The following LOC400499 variants were observed in gnomAD, a reference collection of about 807,000 sequenced individuals.
chr16:11,372,863 C>T, the LOC400499 span: 1 of 215,830 alleles, frequency 4.6e-6, no homozygotes, highest in Non-Finnish European at 7.9e-6. Flanking sequence ...ACTCCCCATC[C>T]ACTCCCACTC....
At chr16:11,463,797 GTT>G in the LOC400499 span, among the ~76,000 whole-genome samples, 4 of 152,214 alleles carry the variant, frequency 2.6e-5, no homozygotes, top group African/African-American at 7.2e-5. Flanking sequence ...ACATATGGAT[GTT>G]TGTGTGTATG....
At chr16:11,439,575 C>T in the LOC400499 span, 2 of 399,102 alleles carry the variant, frequency 5.0e-6, no homozygotes, top group Non-Finnish European at 8.8e-6. Flanking sequence ...TTCAGCTGGA[C>T]CGAGGCCTGT....
the LOC400499 span, chr16:11,462,569 C>T: frequency 3.0e-5 from 9 of 298,170 alleles, no homozygotes; most frequent in Non-Finnish European, 4.5e-5. Flanking sequence ...ATTACAGTCA[C>T]GTGCCACCAC....
chr16:11,434,498 T>C, the LOC400499 span, among the ~76,000 whole-genome samples: 1 of 152,150 alleles, frequency 6.6e-6, no homozygotes, highest in South Asian at 2.1e-4. Context: ...TCCAGGTATA[T>C]AGAGTCAGAA....
chr16:11,404,632 C>T, the LOC400499 span: 1 of 398,576 alleles, frequency 2.5e-6, no homozygotes, highest in Non-Finnish European at 4.4e-6. Flanking sequence ...CAGGCATGAG[C>T]CACCGCGCCT....
At chr16:11,373,336 G>GT in the LOC400499 span, among the ~76,000 whole-genome samples, 3 of 152,180 alleles carry the variant, frequency 2.0e-5, no homozygotes, top group Non-Finnish European at 2.9e-5. Flanking sequence ...TACGAGAACT[G>GT]TTTAAAAGAT....
At chr16:11,402,430 GC>G in the LOC400499 span, among the ~76,000 whole-genome samples, 1 of 152,212 alleles carries the variant, frequency 6.6e-6, no homozygotes, top group Non-Finnish European at 1.5e-5. Context: ...TGCCTCCCCA[GC>G]CCTTGAAGCT....
chr16:11,456,995 C>G, the LOC400499 span: 6 of 1,535,478 alleles, frequency 3.9e-6, no homozygotes, highest in Non-Finnish European at 5.2e-6. Flanking sequence ...AGTGGTAAAG[C>G]TGCACGCGGC....
At chr16:11,384,351 CG>C in the LOC400499 span, 1 of 1,194,356 alleles carries the variant, frequency 8.4e-7, no homozygotes, top group Admixed American at 4.2e-5. Context: ...AAGCGGAGGC[CG>C]GCCGTAAGAC....
chr16:11,494,586 C>G, the LOC400499 span: 2 of 373,356 alleles, frequency 5.4e-6, 1 homozygote, highest in South Asian at 2.6e-4. Flanking sequence ...TTGTCATCAT[C>G]CGAGGGCTCC....
the LOC400499 span, among the ~76,000 whole-genome samples, chr16:11,413,676 G>A: frequency 2.0e-5 from 3 of 152,204 alleles, no homozygotes; most frequent in South Asian, 6.2e-4. Context: ...GTGTGACCCA[G>A]AGATGATGAT....
chr16:11,465,772 T>G, the LOC400499 span, among the ~76,000 whole-genome samples: 12 of 99,036 alleles, frequency 1.2e-4, no homozygotes, highest in Admixed American at 1.0e-3. Context: ...AGGCGGGGGG[T>G]GGGCAGAGAG....
chr16:11,526,182 G>A, the LOC400499 span, among the ~76,000 whole-genome samples: 1 of 152,186 alleles, frequency 6.6e-6, no homozygotes, highest in Non-Finnish European at 1.5e-5. Flanking sequence ...GCGCTCTCCA[G>A]TATGTGGCTA....
At chr16:11,457,458 T>A in the LOC400499 span, among the ~76,000 whole-genome samples, 80 of 151,498 alleles carry the variant, frequency 5.3e-4, no homozygotes, top group Non-Finnish European at 1.0e-3. Flanking sequence ...CCGGGCATGG[T>A]GGTGGGCGCC....
chr16:11,492,685 T>C, the LOC400499 span, among the ~76,000 whole-genome samples: 1 of 151,684 alleles, frequency 6.6e-6, no homozygotes, highest in Non-Finnish European at 1.5e-5. Context: ...CTCAGGAGGC[T>C]GAGGCAGGAG....
the LOC400499 span, among the ~76,000 whole-genome samples, chr16:11,432,828 C>T: frequency 2.6e-5 from 4 of 152,214 alleles, no homozygotes; most frequent in South Asian, 4.1e-4. Flanking sequence ...GTTGGTTTCT[C>T]CCTTTGCATT....
the LOC400499 span, chr16:11,417,860 C>T: frequency 1.5e-5 from 6 of 398,558 alleles, no homozygotes; most frequent in East Asian, 7.1e-5. Flanking sequence ...ACCAAGGAGA[C>T]GCTGGACCAC....
At chr16:11,457,229 T>C in the LOC400499 span, 1 of 573,456 alleles carries the variant, frequency 1.7e-6, no homozygotes, top group Non-Finnish European at 3.0e-6. Flanking sequence ...AAATCTGAAT[T>C]CTCATACGCT....
the LOC400499 span, among the ~76,000 whole-genome samples, chr16:11,444,420 C>A: frequency 1.3e-5 from 2 of 152,086 alleles, no homozygotes; most frequent in Non-Finnish European, 2.9e-5. Flanking sequence ...CCCTCTAAGT[C>A]AGGGGTCAGC....
Sources: gnomAD v4.1 joint callset for allele counts (sites outside exome capture counted in the v4.1 genomes callset) on GRCh38, gnomAD v4.1.1 for gene constraint, MANE v1.5 for transcripts.